Variants in HDGFL3 observed in about 807,000 individuals in gnomAD.
HDGFL3 encodes the protein HDGF like 3.
HDGFL3 carries 6 observed loss-of-function variants against 27.6 expected under a neutral mutation model. The ratio of observed to expected loss-of-function variants is 0.22; its 90% CI spans 0.12 to 0.43. HDGFL3 has a LOEUF of 0.43. Ranked by LOEUF, HDGFL3 falls within the 20% of genes least tolerant of loss-of-function variation. HDGFL3 has a pLI of 1.00. For synonymous variants in HDGFL3, 88 were observed against 88.9 expected (o/e 0.99, Z 0.05); for missense variants, 207 against 250.1 (o/e 0.83, Z 1.16).
intron 1 of HDGFL3, among the ~76,000 whole-genome samples, chr15:83,180,376 T>C (rs751617748): frequency 2.6e-5 from 4 of 152,124 alleles, no homozygotes; most frequent in Non-Finnish European, 5.9e-5. Context: ...TTTTTTGGGC[T>C]AGCTGACAAA....
chr15:83,119,726 G>C (rs1195663562), intron 3 of HDGFL3: 2 of 1,611,842 alleles, frequency 1.2e-6, no homozygotes, highest in Non-Finnish European at 1.7e-6. Context: ...CTTAGCAACC[G>C]ATAAGCGGGT....
At chr15:83,168,963 G>C (rs887725176) in intron 1 of HDGFL3, among the ~76,000 whole-genome samples, 2 of 151,914 alleles carry the variant, frequency 1.3e-5, no homozygotes, top group Non-Finnish European at 2.9e-5. Context: ...CGCAAAGTTG[G>C]TTCAACATAT....
chr15:83,146,271 T>A (rs573737440), intron 5 of HDGFL3, among the ~76,000 whole-genome samples: 1 of 152,200 alleles, frequency 6.6e-6, no homozygotes, highest in South Asian at 2.1e-4. Flanking sequence ...TATGTAGGCA[T>A]TTTAGGTTAT....
chr15:83,193,230 A>T (rs191767323), intron 1 of HDGFL3, among the ~76,000 whole-genome samples: 11 of 152,310 alleles, frequency 7.2e-5, no homozygotes, highest in African/African-American at 2.6e-4. Flanking sequence ...AAGTCCTACA[A>T]CTCAACAACA....
chr15:83,122,851 A>G (rs149942203), downstream of HDGFL3: 1,436 of 1,614,106 alleles, frequency 8.9e-4, no homozygotes, highest in Non-Finnish European at 1.2e-3. Flanking sequence ...ATAATCAGCC[A>G]TCAGAAAATT....
rs1238292739 is a variant in HDGFL3, at chr15:83,158,181, A to T, written c.162-140T>A. On this transcript the variant is annotated intron_variant, in intron 2 of 5. Coordinates refer to ENST00000299633, the MANE Select transcript of HDGFL3 (RefSeq NM_016073.4). ...CATATAAACCCTTCAAGTTAGGCAC[A>T]TATTACGAGGTGTTTCAGACACATA... The T allele has an allele frequency of 7.5e-6, 5 of 667,024 alleles. No individual in the cohort carries two copies. The African/African-American group carries it at 9.3e-5, about 12-fold the overall frequency. 41.3% of individuals were successfully genotyped at this position (667,024 alleles called of 1,614,324 possible).
chr15:83,181,658 T>C (rs1466882124), intron 1 of HDGFL3, among the ~76,000 whole-genome samples: 1 of 152,168 alleles, frequency 6.6e-6, no homozygotes, highest in Non-Finnish European at 1.5e-5. Context: ...GTATTTTTAG[T>C]AGAGAAAGGG....
chr15:83,166,786 G>A (rs944851367), intron 1 of HDGFL3, among the ~76,000 whole-genome samples: 1 of 152,118 alleles, frequency 6.6e-6, no homozygotes, highest in Non-Finnish European at 1.5e-5. Flanking sequence ...AGGAGGAAGA[G>A]AGAAAAGGGG....
chr15:83,180,328 G>A (rs543394430), intron 1 of HDGFL3, among the ~76,000 whole-genome samples: 2 of 152,066 alleles, frequency 1.3e-5, no homozygotes, highest in Non-Finnish European at 2.9e-5. Context: ...TGGAAGAAGG[G>A]CAAGCAAACT....
chr15:83,139,136 T>A lies in HDGFL3; in HGVS notation c.*134A>T. The A allele has an allele frequency of 2.0e-6, 1 of 489,158 alleles. No homozygotes were observed. The highest frequency in any genetic ancestry group is 3.6e-6 in the Non-Finnish European group (1 of 279,974). 30.3% of individuals were successfully genotyped at this position (489,158 alleles called of 1,614,324 possible). On this transcript the variant is annotated 3_prime_UTR_variant, in exon 6 of 6. Coordinates refer to ENST00000299633, the MANE Select transcript of HDGFL3 (RefSeq NM_016073.4). ...ACACAACAGAGAGGAATATGAATAA[T>A]GTACATACAAACTGGGGTTCTGTCA...
downstream of HDGFL3, chr15:83,124,822 C>T (rs1406886017): frequency 1.4e-6 from 2 of 1,432,170 alleles, no homozygotes; most frequent in Non-Finnish European, 2.0e-6. Context: ...ATACTACTCA[C>T]ATTTCCAAAT....
At chr15:83,186,632 A>G (rs1300170894) in intron 1 of HDGFL3, among the ~76,000 whole-genome samples, 1 of 152,220 alleles carries the variant, frequency 6.6e-6, no homozygotes, top group Non-Finnish European at 1.5e-5. Context: ...ACTCAAGAAT[A>G]AAAAACCAAA....
At chr15:83,202,233 C>G (rs74028256) in intron 1 of HDGFL3, among the ~76,000 whole-genome samples, 1,701 of 152,208 alleles carry the variant, frequency 0.011, 29 homozygotes, top group African/African-American at 0.039. Context: ...AACTATACCC[C>G]TGTGCCTTAC....
intron 1 of HDGFL3, chr15:83,189,506 C>T (rs1486846591): frequency 6.6e-6 from 1 of 152,256 alleles, no homozygotes; most frequent in Admixed American, 6.5e-5. Flanking sequence ...CACATTTTCA[C>T]AGAAGTCTTC....
downstream of HDGFL3, chr15:83,124,604 A>T: frequency 8.4e-7 from 1 of 1,190,058 alleles, no homozygotes; most frequent in Non-Finnish European, 1.2e-6. Flanking sequence ...CATGACATTT[A>T]ATGTTTCAGA....
At chr15:83,194,734 G>A (rs568264146) in intron 1 of HDGFL3, among the ~76,000 whole-genome samples, 1 of 152,262 alleles carries the variant, frequency 6.6e-6, no homozygotes, top group East Asian at 1.9e-4. Context: ...ATCCTATGGA[G>A]ATGGGTGCAG....
At chr15:83,140,753 G>A (rs558361678) in intron 5 of HDGFL3, among the ~76,000 whole-genome samples, 2 of 152,298 alleles carry the variant, frequency 1.3e-5, no homozygotes, top group Non-Finnish European at 1.5e-5. Context: ...AAAGTGCTGG[G>A]ATTACAGGCG....
downstream of HDGFL3, chr15:83,124,665 ATT>A (rs768324582): frequency 9.4e-5 from 152 of 1,612,808 alleles, no homozygotes; most frequent in Non-Finnish European, 1.1e-4. Flanking sequence ...TACAAACTCT[ATT>A]TTAGGTTATT....
downstream of HDGFL3, chr15:83,127,510 T>C (rs994020681): frequency 3.7e-6 from 6 of 1,611,570 alleles, no homozygotes; most frequent in Non-Finnish European, 5.1e-6. Context: ...AAGGTTTACT[T>C]GTGGTCTAGG....
Sources: allele counts gnomAD v4.1 joint callset (sites outside exome capture counted in the v4.1 genomes callset), GRCh38; gene constraint gnomAD v4.1.1; transcripts MANE v1.5; gene names NCBI Gene and HGNC (gene_info 2026-07-23, HGNC 2026-07-21).